Variants in LETM1 observed in about 807,000 individuals in gnomAD.
LETM1 encodes mitochondrial proton/calcium exchanger protein.
LETM1 carries 50 observed loss-of-function variants against 74.5 expected under a neutral mutation model. That is an observed-to-expected ratio of 0.67 (90% CI 0.53 to 0.85). The LOEUF (loss-of-function observed/expected upper bound fraction) is 0.85. Ranked by LOEUF, LETM1 falls within the 40% of genes least tolerant of loss-of-function variation. The probability of loss-of-function intolerance (pLI) is 0.00; values close to 1 mark genes in which losing one functional copy is unlikely to be tolerated. For missense variants in LETM1, 824 were observed against 967.8 expected, an observed-to-expected ratio of 0.85 and a Z score of 1.97; for synonymous variants, 446 against 407.1, an observed-to-expected ratio of 1.10 and a Z score of -1.15.
intron 11 of LETM1, 38 bp downstream of exon 11, chr4:1,819,300 C>A: frequency 6.3e-7 from 1 of 1,576,598 alleles, no homozygotes; most frequent in Non-Finnish European, 8.6e-7. Flanking sequence ...TTTTACTCTT[C>A]TTGCAGTCTC....
At chr4:1,831,481 G>A (rs1442976291) in intron 6 of LETM1, among the ~76,000 whole-genome samples, 1 of 152,236 alleles carries the variant, frequency 6.6e-6, no homozygotes, top group Non-Finnish European at 1.5e-5. Flanking sequence ...TGTTCCTGCT[G>A]GGCAGTGGTC....
At chr4:1,838,813 A>C (rs1712578920) in intron 3 of LETM1, among the ~76,000 whole-genome samples, 1 of 152,106 alleles carries the variant, frequency 6.6e-6, no homozygotes, top group African/African-American at 2.4e-5. Flanking sequence ...GAGAGAGTGG[A>C]CTCGATTCCC....
At chr4:1,822,829 C>T (rs959453520) in intron 9 of LETM1, 159 bp downstream of exon 9, 22 of 650,382 alleles carry the variant, frequency 3.4e-5, no homozygotes, top group Middle Eastern at 4.6e-4. Context: ...CCCTCACACC[C>T]GGGCACCCTG....
intron 1 of LETM1, among the ~76,000 whole-genome samples, chr4:1,853,853 C>A (rs1321905944): frequency 1.3e-5 from 2 of 152,194 alleles, no homozygotes; most frequent in East Asian, 3.9e-4. Context: ...CTGGGTCTCG[C>A]TGGCTCTGAA....
At chr4:1,854,709 C>G (rs1406901889) in intron 1 of LETM1, among the ~76,000 whole-genome samples, 1 of 152,110 alleles carries the variant, frequency 6.6e-6, no homozygotes, top group African/African-American at 2.4e-5. Flanking sequence ...AAGAGAATCA[C>G]TTGAACCCAG....
At chr4:1,829,214 G>A (rs1219066050) in intron 6 of LETM1, among the ~76,000 whole-genome samples, 1 of 131,514 alleles carries the variant, frequency 7.6e-6, no homozygotes, top group African/African-American at 3.0e-5. Context: ...CTGGCCGGGC[G>A]GGGGGCCGAC....
At position 1,855,859 on chromosome 4, in the gene LETM1, C is replaced by T. The variant is rs1713223668; in HGVS notation, c.82+10G>A. On this transcript the variant is annotated intron_variant, in intron 1 of 13. Coordinates refer to ENST00000302787, the MANE Select transcript of LETM1 (RefSeq NM_012318.3). ...GGAGCCGGCCCCGCCCTGGGGTGCC[C>T]GCCGCTTACCCCGCGGGACGGTGTA... 8.1e-7 allele frequency: 1 copy of T among 1,227,276 alleles called. No individual in the cohort carries two copies. The highest frequency in any genetic ancestry group is 1.0e-6 in the Non-Finnish European group (1 of 986,108). The allele number at this position is 1,227,276 out of a possible 1,614,324, so 76.0% of individuals were successfully genotyped here.
Position 1,822,101 on chromosome 4 carries a change from C to T in LETM1, c.1608+80G>A, listed in dbSNP as rs1334930885. ...CTATAGATGCCCCAGCTAACCTGTC[C>T]CCATCCCTGCCCCACAACTGTCCAC... On this transcript the variant is annotated intron_variant, in intron 10 of 13. Coordinates refer to ENST00000302787, the MANE Select transcript of LETM1 (RefSeq NM_012318.3). 22 of 1,309,824 alleles carry T rather than the reference C, an allele frequency of 1.7e-5. 1 individual carries two copies. The South Asian group carries it at 4.7e-4, about 28-fold the overall frequency. The allele number at this position is 1,309,824 out of a possible 1,614,324, so 81.1% of individuals were successfully genotyped here.
At chr4:1,846,447 A>G (rs1467770627) in intron 2 of LETM1, 1 of 151,862 alleles carries the variant, frequency 6.6e-6, no homozygotes, top group African/African-American at 2.4e-5. Flanking sequence ...TTGTATTTTT[A>G]TTAGAGATGG....
At chr4:1,826,622 G>C (rs576196974) in intron 6 of LETM1, among the ~76,000 whole-genome samples, 1 of 152,370 alleles carries the variant, frequency 6.6e-6, no homozygotes, top group African/African-American at 2.4e-5. Context: ...AGGACCCACT[G>C]GGGGTGCTAT....
intron 9 of LETM1, 95 bp from the exon 10 acceptor site, chr4:1,822,407 T>C: frequency 7.8e-7 from 1 of 1,285,860 alleles, no homozygotes; most frequent in South Asian, 2.3e-5. Flanking sequence ...GAGGCCACAC[T>C]GGGAGCAGGC....
At chr4:1,815,953 C>G in intron 12 of LETM1, 151 bp from the exon 13 acceptor site, 1 of 857,002 alleles carries the variant, frequency 1.2e-6, no homozygotes, top group Admixed American at 2.4e-5. Context: ...AAGGTATGAT[C>G]CCATCCTGCA....
At chr4:1,830,694 C>A (rs1712235128) in intron 6 of LETM1, among the ~76,000 whole-genome samples, 1 of 152,082 alleles carries the variant, frequency 6.6e-6, no homozygotes. Context: ...TCTTTCTTTG[C>A]CCAGATCTGT....
At chr4:1,849,323 G>A in intron 1 of LETM1, 114 bp from the exon 2 acceptor site, 2 of 728,392 alleles carry the variant, frequency 2.7e-6, no homozygotes, top group Non-Finnish European at 4.9e-6. Flanking sequence ...AGAGTGCAAT[G>A]GCGTGATCTC....
chr4:1,839,653 C>T (rs1712616941), intron 3 of LETM1, among the ~76,000 whole-genome samples: 1 of 152,188 alleles, frequency 6.6e-6, no homozygotes, highest in Non-Finnish European at 1.5e-5. Flanking sequence ...GGGGGCAGGC[C>T]TCTGACCTCT....
At chr4:1,847,886 A>G (rs1712937495) in intron 2 of LETM1, among the ~76,000 whole-genome samples, 1 of 151,316 alleles carries the variant, frequency 6.6e-6, no homozygotes, top group South Asian at 2.1e-4. Context: ...AATCCCAGCT[A>G]CTTGGGAGGC....
At chr4:1,847,560 C>T (rs1418811843) in intron 2 of LETM1, among the ~76,000 whole-genome samples, 1 of 152,108 alleles carries the variant, frequency 6.6e-6, no homozygotes, top group Non-Finnish European at 1.5e-5. Flanking sequence ...TGGCTCACAC[C>T]TGTAATCCCA....
chr4:1,823,022 C>G lies in LETM1; in HGVS notation c.1442G>C (p.Arg481Pro), dbSNP rs372283687. ...QEEAAIQQEH[R>P]EKELQKRSEV... ...CGAGCGCTTCTGCAGCTCCTTCTCA[C>G]GGTGCTCCTGCTGGATGGCCGCCTC... The change falls in exon 9 of 14, where the codon CGT (arginine) becomes CCT (proline). Residue 481 changes from arginine (R) to proline (P), a missense_variant. By Grantham distance (103) the Arg-to-Pro change is moderately radical. Transcript: ENST00000302787. 1 of 1,607,462 alleles carries G rather than the reference C, an allele frequency of 6.2e-7. No homozygotes were observed. The highest frequency in any genetic ancestry group is 2.3e-5 in the East Asian group (1 of 44,330).
At chr4:1,845,095 CAGG>C (rs772035756) in intron 2 of LETM1, among the ~76,000 whole-genome samples, 1 of 151,868 alleles carries the variant, frequency 6.6e-6, no homozygotes, top group Admixed American at 6.6e-5. Flanking sequence ...GAGGCTGAGG[CAGG>C]AGAATTGCTT....
Sources: gnomAD v4.1 joint callset for allele counts (sites outside exome capture counted in the v4.1 genomes callset) on GRCh38, gnomAD v4.1.1 for gene constraint, MANE v1.5 for transcripts, NCBI Gene and HGNC (gene_info 2026-07-23, HGNC 2026-07-21) for gene names.